The following ZSWIM2 variants were observed in gnomAD, a reference collection of about 807,000 sequenced individuals.
The protein encoded by ZSWIM2 is E3 ubiquitin-protein ligase ZSWIM2.
A neutral mutation model predicts 48.4 loss-of-function variants in ZSWIM2; 38 were observed. The ratio of observed to expected loss-of-function variants is 0.79; its 90% CI spans 0.61 to 1.03. The LOEUF is 1.03. ZSWIM2 is among the 50% of genes least tolerant of loss of function. The pLI is 0.00. For missense variants in ZSWIM2, 776 were observed against 730.2 expected (o/e 1.06, Z -0.72); for synonymous variants, 240 against 251.3 (o/e 0.96, Z 0.42).
chr2:186,828,103 T>C lies in ZSWIM2; in HGVS notation c.1783A>G (p.Ser595Gly). The stretch of plus-strand genomic sequence containing the variant: ...CGTGTAATTTCCCCCATACAGTTAC[T>C]ATACCTTTTAGACAAACTAAGTTTA... The part of the protein sequence containing the change: ...TAKLSLSKRY[S>G]NCMGEITRKC... Residue 595 changes from serine to glycine, a missense_variant, in exon 9 of 9, where the codon AGT becomes GGT. By Grantham distance (56) the Ser-to-Gly change is moderately conservative. Coordinates refer to ENST00000295131, the MANE Select transcript of ZSWIM2 (RefSeq NM_182521.3). The C allele has an allele frequency of 2.5e-6, 4 of 1,613,520 alleles. No individual in the cohort carries two copies. Among genetic ancestry groups the C allele is most frequent in the South Asian group, 1.1e-5 (1 of 91,056 alleles).
intron 8 of ZSWIM2, among the ~76,000 whole-genome samples, chr2:186,829,061 C>A (rs1446950312): frequency 6.6e-6 from 1 of 151,956 alleles, no homozygotes; most frequent in Non-Finnish European, 1.5e-5. Flanking sequence ...TAAAGTTATT[C>A]ATTTCACTGC....
At position 186,839,109 on chromosome 2, in the gene ZSWIM2, C is replaced by G. The variant is rs749082265; in HGVS notation, c.344G>C (p.Arg115Pro). 1 of 1,611,654 alleles carries G rather than the reference C, an allele frequency of 6.2e-7. No homozygotes were observed. Among genetic ancestry groups the G allele is most frequent in the Admixed American group, 1.7e-5 (1 of 59,824 alleles). ...TGTTCCTGGTTGGGGAGTTTGAACTCGATGTATCCCCCGAAGCAAGTCACT... is the reference window on the plus strand; with the variant it reads ...TGTTCCTGGTTGGGGAGTTTGAACTGGATGTATCCCCCGAAGCAAGTCACT... ...EISDLLRGIH[R>P]VQTPQPGTND... is the part of the protein sequence containing the mutation. Residue 115 changes from arginine (R) to proline (P), a missense_variant, in exon 4 of 9, where the codon CGA (arginine) becomes CCA (proline). Physicochemically the swap from Arg to Pro is moderately radical, Grantham distance 103. Coordinates refer to ENST00000295131, the MANE Select transcript of ZSWIM2 (RefSeq NM_182521.3).
Position 186,839,137 on chromosome 2 carries a change from T to A in ZSWIM2, c.316A>T (p.Ile106Leu). 2 of 1,611,518 alleles carry A rather than the reference T, an allele frequency of 1.2e-6. No individual in the cohort carries two copies. The highest frequency in any genetic ancestry group is 1.7e-4 in the Middle Eastern group (1 of 6,052). The change falls in exon 4 of 9, where the codon ATA becomes TTA. Residue 106 changes from isoleucine to leucine, a missense_variant. Ile to Leu is a conservative substitution (Grantham distance 5, BLOSUM62 2). Coordinates refer to ENST00000295131, the MANE Select transcript of ZSWIM2 (RefSeq NM_182521.3). ...ALQLGLGERE[I>L]SDLLRGIHRV... ...TGTATCCCCCGAAGCAAGTCACTTA[T>A]CTCTCTTTCTCCAAGACCCAGTTGT...
intron 3 of ZSWIM2, among the ~76,000 whole-genome samples, chr2:186,844,460 A>G (rs1011890715): frequency 6.6e-6 from 1 of 151,522 alleles, no homozygotes; most frequent in African/African-American, 2.4e-5. Context: ...TTCCTACTTA[A>G]TAACTGGCCA....
rs936808732 is a variant in ZSWIM2 at position 186,848,119 on chromosome 2, G to A, written c.166-324C>T. Among the ~76,000 whole-genome samples the A allele has an allele frequency of 2.0e-5, 3 of 152,250 alleles. No homozygotes were observed. The East Asian group carries it at 5.8e-4, about 29-fold the overall frequency. ...CAGTAAGGAAATTCTACTTTGGGGT[G>A]GAGCTAAGCACCTTTTGTAAGGTAG... On this transcript the variant is annotated intron_variant, in intron 1 of 8. Coordinates refer to ENST00000295131, the MANE Select transcript of ZSWIM2 (RefSeq NM_182521.3).
chr2:186,843,562 A>T (rs1487379257), intron 3 of ZSWIM2, among the ~76,000 whole-genome samples: 1 of 151,424 alleles, frequency 6.6e-6, no homozygotes, highest in African/African-American at 2.4e-5. Flanking sequence ...GATACATGGC[A>T]GAAGAGGACG....
intron 7 of ZSWIM2, among the ~76,000 whole-genome samples, chr2:186,831,160 G>A (rs1168480376): frequency 6.6e-6 from 1 of 151,926 alleles, no homozygotes; most frequent in Non-Finnish European, 1.5e-5. Flanking sequence ...CCAACCGTTA[G>A]TTATACAACT....
chr2:186,844,660 A>T, intron 3 of ZSWIM2, 57 bp downstream of exon 3: 2 of 1,450,942 alleles, frequency 1.4e-6, no homozygotes, highest in South Asian at 1.4e-5. Context: ...TATATTTGTT[A>T]ACTTCAAAGT....
At chr2:186,847,619 T>G in intron 2 of ZSWIM2, 100 bp downstream of exon 2, 1 of 739,996 alleles carries the variant, frequency 1.4e-6, no homozygotes, top group Non-Finnish European at 2.1e-6. Context: ...AAACACCAAA[T>G]TTCTTTAATT....
chr2:186,847,821 A>G, intron 1 of ZSWIM2, 26 bp from the exon 2 acceptor site: 1 of 1,557,090 alleles, frequency 6.4e-7, no homozygotes, highest in African/African-American at 1.4e-5. Context: ...GCATACTTAA[A>G]AAGACCAGTA....
chr2:186,847,728 T>G lies in ZSWIM2; in HGVS notation c.233A>C (p.His78Pro), dbSNP rs746323269. 12 of 1,604,020 alleles carry G rather than the reference T, an allele frequency of 7.5e-6. No homozygotes were observed. Among genetic ancestry groups the G allele is most frequent in the Admixed American group, 5.1e-5 (3 of 59,068 alleles). The change falls in exon 2 of 9, where the codon CAT becomes CCT. Residue 78 changes from histidine (H) to proline (P), a missense_variant. Transcript: ENST00000295131. ...TFPKGGELCK[H>P]ICWVLLKKFK... ...TTGAAAAGTCACTTACCAGCAGATA[T>G]GCTTACAAAGTTCCCCTCCTTTCGG...
chr2:186,843,144 A>T (rs1691938878), intron 3 of ZSWIM2, among the ~76,000 whole-genome samples: 1 of 151,652 alleles, frequency 6.6e-6, no homozygotes, highest in Non-Finnish European at 1.5e-5. Context: ...AGAAAATTAC[A>T]TATGTATGTT....
At chr2:186,840,338 G>C (rs2105820601) in intron 3 of ZSWIM2, among the ~76,000 whole-genome samples, 1 of 151,738 alleles carries the variant, frequency 6.6e-6, no homozygotes, top group South Asian at 2.1e-4. Context: ...GCCACAAACT[G>C]TTCTGTGTGG....
At chr2:186,831,802 A>G (rs987254218) in intron 7 of ZSWIM2, among the ~76,000 whole-genome samples, 1 of 151,614 alleles carries the variant, frequency 6.6e-6, no homozygotes, top group Non-Finnish European at 1.5e-5. Context: ...GCATGTTCTC[A>G]CTCATAGGTG....
chr2:186,849,119 T>C lies in ZSWIM2; in HGVS notation c.12A>G (p.Arg4=). ...TTCGCCTTTCAGAGGCCTTATAGCC[T>C]CGGCGAAGCATGCTGGGTGCGGGCG... MLR[R]GYKASERRRH... The change falls in exon 1 of 9, where the codon CGA becomes CGG. Residue 4 remains arginine (R), a synonymous_variant. Transcript: ENST00000295131. The C allele has an allele frequency of 6.2e-7, 1 of 1,610,748 alleles. No individual in the cohort carries two copies. The highest frequency in any genetic ancestry group is 8.5e-7 in the Non-Finnish European group (1 of 1,177,766).
At chr2:186,833,815 G>A in intron 6 of ZSWIM2, 131 bp downstream of exon 6, 3 of 614,644 alleles carry the variant, frequency 4.9e-6, no homozygotes, top group East Asian at 2.9e-5. Context: ...TAAAAATATG[G>A]CTTTAGGTTT....
chr2:186,848,484 A>G (rs1468211601), intron 1 of ZSWIM2, among the ~76,000 whole-genome samples: 5 of 152,204 alleles, frequency 3.3e-5, no homozygotes, highest in African/African-American at 1.2e-4. Context: ...TTTCCAAGGT[A>G]TTGCCATTTA....
chr2:186,843,940 A>T (rs932597541), intron 3 of ZSWIM2, among the ~76,000 whole-genome samples: 2 of 151,724 alleles, frequency 1.3e-5, no homozygotes, highest in African/African-American at 2.4e-5. Flanking sequence ...GCTAGGGGGA[A>T]ATAAACTTGC....
intron 3 of ZSWIM2, among the ~76,000 whole-genome samples, chr2:186,841,777 C>T (rs1156540046): frequency 6.6e-6 from 1 of 150,962 alleles, no homozygotes; most frequent in Non-Finnish European, 1.5e-5. Flanking sequence ...GGCTATTAGG[C>T]TGTTTTATGA....
Sources: gnomAD v4.1 joint callset for allele counts (sites outside exome capture counted in the v4.1 genomes callset) on GRCh38, gnomAD v4.1.1 for gene constraint, MANE v1.5 for transcripts, NCBI Gene and HGNC (gene_info 2026-07-23, HGNC 2026-07-21) for gene names.